The following C1GALT1 variants were observed in gnomAD, a reference collection of about 807,000 sequenced individuals.
C1GALT1 encodes the protein glycoprotein-N-acetylgalactosamine 3-beta-galactosyltransferase 1.
Under a neutral mutation model 31.0 loss-of-function variants are expected in C1GALT1, and 11 were observed. The ratio of observed to expected loss-of-function variants is 0.36; its 90% CI spans 0.22 to 0.59. The LOEUF (loss-of-function observed/expected upper bound fraction) is 0.59. C1GALT1 is among the 20% of genes least tolerant of loss of function. The pLI is 0.79. For missense variants in C1GALT1, 424 were observed against 425.2 expected (o/e 1.00, Z 0.03); for synonymous variants, 175 against 143.6 (o/e 1.22, Z -1.56).
chr7:7,184,543 T>G (rs796096614), intron 1 of C1GALT1, among the ~76,000 whole-genome samples: 6 of 152,354 alleles, frequency 3.9e-5, no homozygotes, highest in African/African-American at 1.4e-4. Flanking sequence ...AATAGAAATA[T>G]GAAAAAGTAT....
At chr7:7,195,256 TAACCTTA>T (rs1457974679) in intron 1 of C1GALT1, among the ~76,000 whole-genome samples, 1 of 152,224 alleles carries the variant, frequency 6.6e-6, no homozygotes, top group Non-Finnish European at 1.5e-5. Flanking sequence ...CCTTAAGGTG[TAACCTTA>T]GATTGTCTGT....
chr7:7,183,468 A>T, intron 1 of C1GALT1: 1 of 397,324 alleles, frequency 2.5e-6, no homozygotes, highest in Non-Finnish European at 3.4e-6. Flanking sequence ...GTGTTGGGGC[A>T]TTCGGGGCAT....
At chr7:7,192,757 T>C (rs1460807022) in intron 1 of C1GALT1, among the ~76,000 whole-genome samples, 1 of 152,164 alleles carries the variant, frequency 6.6e-6, no homozygotes, top group Non-Finnish European at 1.5e-5. Context: ...TTATACTAGT[T>C]TACATTCCCA....
intron 1 of C1GALT1, among the ~76,000 whole-genome samples, chr7:7,212,407 C>G (rs1782045380): frequency 6.6e-6 from 1 of 152,140 alleles, no homozygotes; most frequent in Non-Finnish European, 1.5e-5. Context: ...CAATTGTGTC[C>G]TGTTGAGAAA....
At chr7:7,219,378 AG>A (rs1240177912) in intron 1 of C1GALT1, among the ~76,000 whole-genome samples, 7 of 150,280 alleles carry the variant, frequency 4.7e-5, no homozygotes, top group Non-Finnish European at 1.0e-4. Context: ...TAGGTTTATC[AG>A]TTGAAACAAA....
intron 1 of C1GALT1, among the ~76,000 whole-genome samples, chr7:7,215,099 AG>A (rs1400068143): frequency 6.6e-6 from 1 of 152,200 alleles, no homozygotes; most frequent in Non-Finnish European, 1.5e-5. Context: ...ACTAAAACAA[AG>A]TATTGCCACG....
At chr7:7,217,736 C>T (rs897529078) in intron 1 of C1GALT1, among the ~76,000 whole-genome samples, 2 of 152,102 alleles carry the variant, frequency 1.3e-5, no homozygotes, top group Non-Finnish European at 2.9e-5. Context: ...TACAGTGGTA[C>T]AATCATAGTT....
At chr7:7,218,872 C>T (rs6979606) in intron 1 of C1GALT1, among the ~76,000 whole-genome samples, 103,698 of 150,224 alleles carry the variant, frequency 0.69, 36,334 homozygotes, top group East Asian at 0.92. Context: ...CTTGCTCTGT[C>T]GCCCAGGCTG....
At chr7:7,189,652 A>G (rs1163565154) in intron 1 of C1GALT1, among the ~76,000 whole-genome samples, 1 of 152,114 alleles carries the variant, frequency 6.6e-6, no homozygotes, top group African/African-American at 2.4e-5. Flanking sequence ...TATTTCATAA[A>G]GAAATATGCC....
At chr7:7,215,488 T>G (rs1447184913) in intron 1 of C1GALT1, among the ~76,000 whole-genome samples, 1 of 152,172 alleles carries the variant, frequency 6.6e-6, no homozygotes, top group Non-Finnish European at 1.5e-5. Flanking sequence ...CTAGCTTAAC[T>G]TTAAGCCAAG....
At chr7:7,187,129 A>G (rs759889720) in intron 1 of C1GALT1, among the ~76,000 whole-genome samples, 3 of 152,238 alleles carry the variant, frequency 2.0e-5, no homozygotes, top group Non-Finnish European at 2.9e-5. Flanking sequence ...CAGAAGAGGT[A>G]CAAGACTAAA....
At chr7:7,212,647 A>T (rs1782059564) in intron 1 of C1GALT1, among the ~76,000 whole-genome samples, 1 of 152,138 alleles carries the variant, frequency 6.6e-6, no homozygotes, top group African/African-American at 2.4e-5. Flanking sequence ...GGATAGTGGG[A>T]TTAGCATTGG....
intron 1 of C1GALT1, among the ~76,000 whole-genome samples, chr7:7,220,925 T>C (rs895741597): frequency 6.6e-6 from 1 of 152,224 alleles, no homozygotes. Context: ...TTTTTAGCTT[T>C]CAATGTTGTG....
chr7:7,186,588 T>C (rs376298878), intron 1 of C1GALT1, among the ~76,000 whole-genome samples: 4 of 152,260 alleles, frequency 2.6e-5, no homozygotes, highest in South Asian at 2.1e-4. Context: ...GTAAACAAGA[T>C]GAATAAGTAA....
chr7:7,216,487 A>T (rs1273840539), intron 1 of C1GALT1, among the ~76,000 whole-genome samples: 1 of 147,094 alleles, frequency 6.8e-6, no homozygotes, highest in African/African-American at 2.7e-5. Flanking sequence ...ATTTGCCTGG[A>T]TCCCCCCTCC....
intron 1 of C1GALT1, among the ~76,000 whole-genome samples, chr7:7,221,949 T>C (rs1481344108): frequency 6.6e-6 from 1 of 152,180 alleles, no homozygotes; most frequent in Non-Finnish European, 1.5e-5. Flanking sequence ...GAGTAAACTC[T>C]GAGGTGTGAC....
intron 1 of C1GALT1, among the ~76,000 whole-genome samples, chr7:7,208,786 A>C (rs2128238158): frequency 6.6e-6 from 1 of 152,306 alleles, no homozygotes; most frequent in East Asian, 1.9e-4. Context: ...AGCTACATAT[A>C]AGCTGCTCCA....
chr7:7,208,387 G>A (rs1230495383), intron 1 of C1GALT1, among the ~76,000 whole-genome samples: 2 of 152,118 alleles, frequency 1.3e-5, no homozygotes, highest in Admixed American at 1.3e-4. Context: ...CATAGTACGT[G>A]TAAGGTTCAG....
At chr7:7,192,248 G>A (rs1051932990) in intron 1 of C1GALT1, among the ~76,000 whole-genome samples, 2 of 151,844 alleles carry the variant, frequency 1.3e-5, no homozygotes, top group Non-Finnish European at 2.9e-5. Context: ...CCTCACCCAA[G>A]CAGTGTACAC....
Sources: gnomAD v4.1 joint callset for allele counts (sites outside exome capture counted in the v4.1 genomes callset) on GRCh38, gnomAD v4.1.1 for gene constraint, MANE v1.5 for transcripts, NCBI Gene and HGNC (gene_info 2026-07-23, HGNC 2026-07-21) for gene names.